NHS: variants seen among roughly 807,000 people sequenced by gnomAD.
NHS encodes NHS actin remodeling regulator, also known as actin remodeling regulator NHS.
A neutral mutation model predicts 72.5 loss-of-function variants in NHS; 5 were observed. The observed-to-expected ratio is 0.07, with a 90% CI of 0.04 to 0.14. NHS has a LOEUF of 0.14. Ranked by LOEUF, NHS falls within the 10% of genes least tolerant of loss-of-function variation. NHS has a pLI of 1.00. For missense variants in NHS, 1,072 were observed against 1,355.7 expected (o/e 0.79, Z 3.29); for synonymous variants, 464 against 547.7 (o/e 0.85, Z 2.13).
intron 1 of NHS, among the ~76,000 whole-genome samples, chrX:17,433,137 C>G (rs1428988342): frequency 9.3e-6 from 1 of 107,503 alleles, no homozygotes; most frequent in African/African-American, 3.4e-5. Flanking sequence ...TCACGCCATT[C>G]TCCTGCCTCA....
intron 1 of NHS, among the ~76,000 whole-genome samples, chrX:17,560,916 G>GT (rs1796758923): frequency 8.9e-6 from 1 of 112,569 alleles, no homozygotes; most frequent in Non-Finnish European, 1.9e-5. Flanking sequence ...GGGCCTCCCA[G>GT]TGGCCTTTAA....
chrX:17,625,239 A>G (rs1389588982), intron 1 of NHS, among the ~76,000 whole-genome samples: 1 of 111,787 alleles, frequency 8.9e-6, no homozygotes, highest in Non-Finnish European at 1.9e-5. Context: ...CTGGATTCTC[A>G]TATCTGCCTC....
Position 17,719,411 on chromosome X carries a change from T to C in NHS, c.915+5T>C, listed in dbSNP as rs1217730744. The C allele has an allele frequency of 8.6e-7, 1 of 1,157,209 alleles. No individual in the cohort carries two copies. The highest frequency in any genetic ancestry group is 3.3e-5 in the East Asian group (1 of 30,733). On this transcript the variant is annotated splice_donor_5th_base_variant and intron_variant, in intron 4 of 8. Coordinates refer to ENST00000676302, the MANE Select transcript of NHS (RefSeq NM_001291867.2). ...ATGACCCCGTGGAGTAGAAAGGTAT[T>C]GGTTCTGAGAACATTCCTTCACGGC...
At chrX:17,487,527 G>A (rs1205878488) in intron 1 of NHS, among the ~76,000 whole-genome samples, 1 of 111,793 alleles carries the variant, frequency 8.9e-6, no homozygotes, top group African/African-American at 3.3e-5. Flanking sequence ...AGTTTCTCAT[G>A]ACATGGCATG....
At chrX:17,639,398 ATTAC>A (rs2065869022) in intron 1 of NHS, among the ~76,000 whole-genome samples, 1 of 111,612 alleles carries the variant, frequency 9.0e-6, no homozygotes, top group South Asian at 3.9e-4. Flanking sequence ...AAATAAATGT[ATTAC>A]TTACAGTTCT....
intron 1 of NHS, among the ~76,000 whole-genome samples, chrX:17,596,092 TGGTAGCTTCAAATCTCACAAA>T (rs2065623237): frequency 8.9e-6 from 1 of 111,996 alleles, no homozygotes; most frequent in Admixed American, 9.4e-5. Flanking sequence ...TATTGAAATC[TGGTAGCTTCAAATCTCACAAA>T]GCCAAACAAA....
intron 1 of NHS, among the ~76,000 whole-genome samples, chrX:17,523,578 G>A (rs2065159961): frequency 8.9e-6 from 1 of 111,814 alleles, no homozygotes; most frequent in African/African-American, 3.3e-5. Flanking sequence ...CAGTAGTGGG[G>A]GCAGTCTCCC....
rs753857145 is a variant in NHS at position 17,727,612 on chromosome X, C to T, written c.3506C>T (p.Thr1169Ile). ...GATCTCCCTTATTTAGAGGAAAGCA[C>T]ACTCACAACGGCTGCCTTGTCTCCA... ...NTDLPYLEES[T>I]LTTAALSPSK... Residue 1169 changes from threonine (T) to isoleucine (I), a missense_variant, in exon 7 of 9, where the codon ACA becomes ATA. Coordinates refer to ENST00000676302, the MANE Select transcript of NHS (RefSeq NM_001291867.2). 5 of 1,211,241 alleles carry T rather than the reference C, an allele frequency of 4.1e-6. No homozygotes were observed. The South Asian group carries it at 7.0e-5, about 17-fold the overall frequency.
At chrX:17,417,096 A>ACG (rs1442931257) in intron 1 of NHS, among the ~76,000 whole-genome samples, 2 of 108,932 alleles carry the variant, frequency 1.8e-5, no homozygotes, top group Non-Finnish European at 3.8e-5. Context: ...CAGAATACAC[A>ACG]CACACACACA....
intron 1 of NHS, among the ~76,000 whole-genome samples, chrX:17,486,984 C>G (rs2064970054): frequency 9.0e-6 from 1 of 111,563 alleles, no homozygotes; most frequent in Admixed American, 9.5e-5. Flanking sequence ...TTGCAGGGCA[C>G]ACACCCAAGA....
intron 1 of NHS, among the ~76,000 whole-genome samples, chrX:17,385,177 C>T (rs1454979497): frequency 8.9e-6 from 1 of 112,090 alleles, no homozygotes; most frequent in Admixed American, 9.5e-5. Flanking sequence ...TTGTTTCTGA[C>T]ATCTCTCAAT....
chrX:17,416,025 T>C (rs762712547), intron 1 of NHS, among the ~76,000 whole-genome samples: 1 of 111,368 alleles, frequency 9.0e-6, no homozygotes, highest in African/African-American at 3.3e-5. Flanking sequence ...TGTGGACTTT[T>C]TCCTCGGTTC....
At chrX:17,493,592 A>G (rs962969571) in intron 1 of NHS, among the ~76,000 whole-genome samples, 1 of 111,566 alleles carries the variant, frequency 9.0e-6, no homozygotes, top group African/African-American at 3.3e-5. Context: ...GTGGATGGCT[A>G]GGCCCCCTGA....
intron 1 of NHS, among the ~76,000 whole-genome samples, chrX:17,576,493 A>T (rs1234245747): frequency 9.0e-6 from 1 of 111,515 alleles, no homozygotes; most frequent in Non-Finnish European, 1.9e-5. Context: ...TGGTGTTCTA[A>T]ACAACTTTCC....
intron 3 of NHS, among the ~76,000 whole-genome samples, chrX:17,712,290 T>TATATAC (rs1396937988): frequency 1.8e-3 from 97 of 52,967 alleles, no homozygotes; most frequent in East Asian, 4.0e-3. Flanking sequence ...TATATATATA[T>TATATAC]ACACACACAC....
intron 1 of NHS, among the ~76,000 whole-genome samples, chrX:17,396,930 A>AT (rs765095130): frequency 2.0e-4 from 22 of 111,102 alleles, no homozygotes; most frequent in African/African-American, 7.2e-4. Flanking sequence ...TCCAGATTGC[A>AT]TTTTTTTTCA....
chrX:17,654,393 C>T (rs1040994653), intron 1 of NHS, among the ~76,000 whole-genome samples: 3 of 112,549 alleles, frequency 2.7e-5, no homozygotes, highest in Non-Finnish European at 3.8e-5. Flanking sequence ...GATTCTCTGT[C>T]GTTGCCAGCA....
At chrX:17,482,712 T>G (rs1378995343) in intron 1 of NHS, among the ~76,000 whole-genome samples, 1 of 112,162 alleles carries the variant, frequency 8.9e-6, no homozygotes, top group Non-Finnish European at 1.9e-5. Flanking sequence ...TGGAGAGCCT[T>G]GTCTGGGGCC....
In NHS at chrX:17,397,557, G is replaced by C. The variant is rs749866180; in HGVS notation, c.565+21235G>C. Reference sequence around the variant, plus strand: ...GGAGATAACCGGGGTTGCTTTTCACGATGTAGTAATTTAGTTACTTTTCTT... The same window carrying C: ...GGAGATAACCGGGGTTGCTTTTCACCATGTAGTAATTTAGTTACTTTTCTT... On this transcript the variant is annotated intron_variant, in intron 1 of 8. Coordinates refer to ENST00000676302, the MANE Select transcript of NHS (RefSeq NM_001291867.2). 2.7e-5 allele frequency among the ~76,000 whole-genome samples: 3 copies of C among 111,162 alleles called. No homozygotes were observed. In the East Asian group the frequency reaches 8.5e-4, roughly 32 times the overall value.
Sources: gnomAD v4.1 joint callset for allele counts (sites outside exome capture counted in the v4.1 genomes callset) on GRCh38, gnomAD v4.1.1 for gene constraint, MANE v1.5 for transcripts, NCBI Gene and HGNC (gene_info 2026-07-23, HGNC 2026-07-21) for gene names.